COL14A1: variants seen among roughly 807,000 people sequenced by gnomAD.
COL14A1 encodes the protein collagen alpha-1(XIV) chain.
COL14A1 carries 136 observed loss-of-function variants against 230.3 expected under a neutral mutation model. The ratio of observed to expected loss-of-function variants is 0.59; its 90% confidence interval spans 0.51 to 0.68. The LOEUF is 0.68. Ranked by LOEUF, COL14A1 falls within the 30% of genes least tolerant of loss-of-function variation. COL14A1 has a pLI of 0.00. For synonymous variants in COL14A1, 792 were observed against 784.1 expected (o/e 1.01, Z -0.17); for missense variants, 1,976 against 2,215.8 (o/e 0.89, Z 2.17).
At chr8:120,243,152 T>G (rs1337683467) in intron 19 of COL14A1, among the ~76,000 whole-genome samples, 1 of 151,368 alleles carries the variant, frequency 6.6e-6, no homozygotes, top group Non-Finnish European at 1.5e-5. Context: ...TCCAGACGAT[T>G]CTTTTCGAGG....
At chr8:120,309,037 C>T (rs931463473) in intron 36 of COL14A1, among the ~76,000 whole-genome samples, 2 of 152,182 alleles carry the variant, frequency 1.3e-5, no homozygotes, top group African/African-American at 4.8e-5. Flanking sequence ...CAGGTTCACG[C>T]CATTCTCCTG....
chr8:120,187,718 T>G (rs559000247), intron 5 of COL14A1, among the ~76,000 whole-genome samples: 1 of 152,320 alleles, frequency 6.6e-6, no homozygotes, highest in South Asian at 2.1e-4. Context: ...TGGAAAAACA[T>G]TCTAGACAAA....
chr8:120,371,312 A>T lies in COL14A1; in HGVS notation c.*81A>T. ...GAGAAAATGTTGTTATGTGGTTTGT[A>T]TGCTACTTTTGGGGGGCAGGGCTCA... On this transcript the variant is annotated 3_prime_UTR_variant, in exon 48 of 48. Transcript: ENST00000297848. 8.8e-7 allele frequency: 1 copy of T among 1,138,698 alleles called. No individual in the cohort carries two copies. The highest frequency in any genetic ancestry group is 2.0e-5 in the Admixed American group (1 of 49,996). The allele number at this position is 1,138,698 out of a possible 1,614,324, so 70.5% of individuals were successfully genotyped here.
chr8:120,181,602 G>A (rs1222454491), intron 5 of COL14A1, among the ~76,000 whole-genome samples: 2 of 152,136 alleles, frequency 1.3e-5, no homozygotes, highest in African/African-American at 4.8e-5. Context: ...ATTTCATGAA[G>A]AGGTGATTAG....
intron 19 of COL14A1, among the ~76,000 whole-genome samples, chr8:120,240,499 C>T (rs2130843390): frequency 6.6e-6 from 1 of 152,114 alleles, no homozygotes; most frequent in South Asian, 2.1e-4. Flanking sequence ...ATCACATGGA[C>T]CAAATGACAT....
intron 44 of COL14A1, among the ~76,000 whole-genome samples, chr8:120,343,754 TA>T (rs1476013606): frequency 1.3e-5 from 2 of 152,354 alleles, no homozygotes; most frequent in South Asian, 2.1e-4. Context: ...AAATACATTA[TA>T]AAAGAGAAAT....
intron 5 of COL14A1, among the ~76,000 whole-genome samples, chr8:120,187,808 A>T (rs1013394997): frequency 1.3e-5 from 2 of 152,224 alleles, no homozygotes; most frequent in African/African-American, 4.8e-5. Context: ...TGCTTTATGT[A>T]ACAAGCTTTT....
At chr8:120,226,603 A>C (rs775256167) in intron 15 of COL14A1, 24 bp from the exon 16 acceptor site, 12 of 1,611,264 alleles carry the variant, frequency 7.4e-6, no homozygotes, top group Non-Finnish European at 1.0e-5. Flanking sequence ...TTTCCCTAAC[A>C]AAACCTCCTT....
intron 19 of COL14A1, among the ~76,000 whole-genome samples, chr8:120,237,907 T>C (rs1818497181): frequency 6.6e-6 from 1 of 152,162 alleles, no homozygotes; most frequent in Non-Finnish European, 1.5e-5. Flanking sequence ...TGGAGGGCCA[T>C]TCCAGACCCT....
chr8:120,282,069 C>T (rs556152244), intron 31 of COL14A1, among the ~76,000 whole-genome samples: 148 of 152,248 alleles, frequency 9.7e-4, no homozygotes, highest in African/African-American at 3.4e-3. Flanking sequence ...ACTAACTTGT[C>T]ACTTGGAACC....
rs552456722 is a variant in COL14A1 at position 120,243,879 on chromosome 8, G to A, written c.2350G>A (p.Val784Ile). 1.8e-4 allele frequency: 285 copies of A among 1,612,344 alleles called. 3 individuals carry two copies. In the South Asian group the frequency reaches 2.8e-3, roughly 16 times the overall value. Residue 784 changes from valine (V) to isoleucine (I), a missense_variant and splice_region_variant, in exon 20 of 48, where the codon GTT (valine) becomes ATT (isoleucine). This residue lies in a region of COL14A1 where 1,791 missense variants were observed against 2,019.5 expected (regional missense o/e 0.89). Coordinates refer to ENST00000297848, the MANE Select transcript of COL14A1 (RefSeq NM_021110.4). Reference sequence around the variant, plus strand: ...TGCAGTCCTTTGCTTTTTTGTTCAGGTTATGGTGCCTGGAAGCCAGAACAA... The same window carrying A: ...TGCAGTCCTTTGCTTTTTTGTTCAGATTATGGTGCCTGGAAGCCAGAACAA... ...GDPEEEVIGT[V>I]MVPGSQNNLL... is the part of the protein sequence containing the mutation.
chr8:120,245,801 T>C (rs779140964), intron 20 of COL14A1, among the ~76,000 whole-genome samples: 1 of 152,154 alleles, frequency 6.6e-6, no homozygotes, highest in Non-Finnish European at 1.5e-5. Context: ...AGCTTCTCCA[T>C]GTGGTCTTTC....
intron 1 of COL14A1, among the ~76,000 whole-genome samples, chr8:120,133,665 C>T (rs1182799461): frequency 6.6e-6 from 1 of 152,112 alleles, no homozygotes; most frequent in Non-Finnish European, 1.5e-5. Flanking sequence ...TTTGTCTTCT[C>T]TAACAGTCTG....
At chr8:120,317,486 G>A (rs1007139747) in intron 40 of COL14A1, among the ~76,000 whole-genome samples, 3 of 152,140 alleles carry the variant, frequency 2.0e-5, no homozygotes, top group East Asian at 1.9e-4. Flanking sequence ...GATTTATGTA[G>A]CATTCTTGTA....
chr8:120,347,194 T>C (rs1822550064), intron 45 of COL14A1, among the ~76,000 whole-genome samples: 1 of 152,148 alleles, frequency 6.6e-6, no homozygotes, highest in African/African-American at 2.4e-5. Context: ...GCTCTGCAAG[T>C]ACACTTGAAT....
intron 8 of COL14A1, among the ~76,000 whole-genome samples, chr8:120,202,374 A>G (rs1300590946): frequency 6.6e-6 from 1 of 152,232 alleles, no homozygotes; most frequent in East Asian, 1.9e-4. Flanking sequence ...TGAAAGATAA[A>G]TTAATTGGCA....
intron 14 of COL14A1, 46 bp from the exon 15 acceptor site, chr8:120,225,036 TCTTATA>T: frequency 6.4e-7 from 1 of 1,553,504 alleles, no homozygotes; most frequent in Non-Finnish European, 8.7e-7. Context: ...ATAAAATGAT[TCTTATA>T]CTTAGCATTA....
intron 14 of COL14A1, among the ~76,000 whole-genome samples, chr8:120,223,546 T>C (rs1438277968): frequency 6.6e-6 from 1 of 152,150 alleles, no homozygotes; most frequent in Non-Finnish European, 1.5e-5. Context: ...GGCGCATGCC[T>C]GTAATCCCAG....
intron 2 of COL14A1, among the ~76,000 whole-genome samples, chr8:120,157,724 GCCTGT>G (rs1208550821): frequency 5.9e-5 from 9 of 152,180 alleles, no homozygotes; most frequent in African/African-American, 2.2e-4. Context: ...GGTGGCTTAT[GCCTGT>G]AATCCCAGCA....
Sources: gnomAD v4.1 joint callset for allele counts (sites outside exome capture counted in the v4.1 genomes callset) on GRCh38, gnomAD v4.1.1 for gene constraint, gnomAD v4.1.1 regional missense constraint, MANE v1.5 for transcripts, NCBI Gene and HGNC (gene_info 2026-07-23, HGNC 2026-07-21) for gene names.